Variants in ZPBP observed in about 807,000 individuals in gnomAD.
ZPBP encodes the protein zona pellucida-binding protein 1.
Under a neutral mutation model 44.8 loss-of-function variants are expected in ZPBP, and 26 were observed. The ratio of observed to expected loss-of-function variants is 0.58; its 90% confidence interval spans 0.43 to 0.81. The LOEUF (loss-of-function observed/expected upper bound fraction) is 0.81, where lower values mean the gene tolerates loss of function less well. Among genes scored for constraint, ZPBP ranks in the 30% least tolerant of loss-of-function variants. The pLI is 0.00. For missense variants in ZPBP, 409 were observed against 434.0 expected, an observed-to-expected ratio of 0.94 and a Z score of 0.51; for synonymous variants, 174 against 153.2, an observed-to-expected ratio of 1.14 and a Z score of -1.00.
intron 2 of ZPBP, among the ~76,000 whole-genome samples, chr7:49,858,256 G>A (rs138343379): frequency 0.014 from 2,104 of 152,122 alleles, 34 homozygotes; most frequent in African/African-American, 0.048. Flanking sequence ...ACATGCACAC[G>A]TATGTTTATT....
intron 7 of ZPBP, among the ~76,000 whole-genome samples, chr7:49,970,087 C>G (rs1450952358): frequency 6.6e-6 from 1 of 152,098 alleles, no homozygotes; most frequent in East Asian, 1.9e-4. Flanking sequence ...TCTCGAACTC[C>G]CGACCTCAAG....
chr7:49,958,227 T>C (rs2128762755), intron 7 of ZPBP, among the ~76,000 whole-genome samples: 1 of 152,318 alleles, frequency 6.6e-6, no homozygotes, highest in East Asian at 1.9e-4. Flanking sequence ...ACATCTGATT[T>C]AGATGAGAGA....
At position 49,872,978 on chromosome 7, in the gene ZPBP, C is replaced by A. The variant is rs550816278; in HGVS notation, n.510-22464G>T. 1.7e-3 allele frequency among the ~76,000 whole-genome samples: 228 copies of A among 135,030 alleles called. 3 individuals carry two copies. The highest frequency in any genetic ancestry group is 5.8e-3 in the African/African-American group (218 of 37,518). 88.6% of individuals were successfully genotyped at this position (135,030 alleles called of 152,430 possible). On this transcript the variant is annotated intron_variant and non_coding_transcript_variant, in intron 2 of 2. Transcript: ENST00000465922. The stretch of plus-strand genomic sequence containing the variant: ...GAATTTGGTATCCAAATAAATAATT[C>A]TCTAAATAATTAATAAAAAAATCTG...
chr7:49,927,072 C>A (rs1794264055), intron 1 of ZPBP, among the ~76,000 whole-genome samples: 2 of 152,190 alleles, frequency 1.3e-5, no homozygotes, highest in Admixed American at 1.3e-4. Context: ...GCCATACCTT[C>A]ATTCTGTGCT....
rs566584229 is a variant in ZPBP at position 49,869,626 on chromosome 7, G to T, written n.510-19112C>A. ...GAATTAAAAAATAGTCCTAAAAAAG[G>T]ATCTGTTTGTCACCAGAATAGTTAA... On this transcript the variant is annotated intron_variant and non_coding_transcript_variant, in intron 2 of 2. Transcript: ENST00000465922. Among the ~76,000 whole-genome samples the T allele has an allele frequency of 1.3e-3, 201 of 152,100 alleles. 1 individual carries two copies. The highest frequency in any genetic ancestry group is 2.4e-3 in the Non-Finnish European group (162 of 67,972).
chr7:50,083,667 G>GA (rs1228437848), intron 2 of ZPBP, among the ~76,000 whole-genome samples: 1 of 151,734 alleles, frequency 6.6e-6, no homozygotes, highest in East Asian at 1.9e-4. Flanking sequence ...TGGGTCTAGG[G>GA]AAAAAATCAA....
intron 4 of ZPBP, among the ~76,000 whole-genome samples, chr7:50,050,082 A>G (rs983364154): frequency 6.6e-6 from 1 of 152,066 alleles, no homozygotes; most frequent in Non-Finnish European, 1.5e-5. Flanking sequence ...AAACATGTAT[A>G]TGCAAATGAA....
At chr7:49,851,422 G>T (rs1790174351) in intron 2 of ZPBP, among the ~76,000 whole-genome samples, 1 of 152,180 alleles carries the variant, frequency 6.6e-6, no homozygotes, top group Non-Finnish European at 1.5e-5. Context: ...ATAGCAGACG[G>T]GCACTTAAGG....
intron 7 of ZPBP, among the ~76,000 whole-genome samples, chr7:49,946,445 A>G (rs2128755753): frequency 6.6e-6 from 1 of 152,214 alleles, no homozygotes; most frequent in South Asian, 2.1e-4. Flanking sequence ...ATGTTTGAAG[A>G]ATATTTTTGC....
At chr7:50,065,641 C>G (rs1282152143) in intron 3 of ZPBP, among the ~76,000 whole-genome samples, 1 of 150,820 alleles carries the variant, frequency 6.6e-6, no homozygotes, top group Non-Finnish European at 1.5e-5. Flanking sequence ...CCCATGGCCA[C>G]TGGTCTCCCA....
chr7:49,873,399 T>C (rs1321500090), intron 2 of ZPBP, among the ~76,000 whole-genome samples: 1 of 152,146 alleles, frequency 6.6e-6, no homozygotes. Context: ...ATGGCACTAA[T>C]CCCACCATGA....
At chr7:49,954,476 A>G (rs1284468322) in intron 7 of ZPBP, among the ~76,000 whole-genome samples, 2 of 152,204 alleles carry the variant, frequency 1.3e-5, no homozygotes, top group Admixed American at 1.3e-4. Context: ...TTTGTCCATC[A>G]AAGTATATTA....
chr7:50,021,042 A>G (rs1782920702), intron 5 of ZPBP, among the ~76,000 whole-genome samples: 1 of 152,106 alleles, frequency 6.6e-6, no homozygotes, highest in African/African-American at 2.4e-5. Context: ...TACACACTGA[A>G]GAGGCAGAAG....
At chr7:49,962,848 A>G (rs1409332780) in intron 7 of ZPBP, among the ~76,000 whole-genome samples, 1 of 151,808 alleles carries the variant, frequency 6.6e-6, no homozygotes, top group African/African-American at 2.4e-5. Flanking sequence ...ATCTAAGCAA[A>G]GATTTCTTGG....
chr7:50,077,743 A>C (rs1176213275), intron 3 of ZPBP, among the ~76,000 whole-genome samples: 1 of 151,874 alleles, frequency 6.6e-6, no homozygotes, highest in Non-Finnish European at 1.5e-5. Context: ...AGGAAATAAC[A>C]AGTGCTGGTG....
At chr7:49,897,357 A>G (rs1792441693) in intron 2 of ZPBP, among the ~76,000 whole-genome samples, 1 of 152,268 alleles carries the variant, frequency 6.6e-6, no homozygotes, top group South Asian at 2.1e-4. Flanking sequence ...AATACAGGTC[A>G]ATATTTTGCA....
intron 1 of ZPBP, among the ~76,000 whole-genome samples, chr7:49,928,551 T>C (rs574178844): frequency 6.6e-6 from 1 of 152,336 alleles, no homozygotes; most frequent in African/African-American, 2.4e-5. Flanking sequence ...GCCAACATAC[T>C]ATGTACAGCA....
chr7:49,933,702 C>G (rs1371355671), downstream of ZPBP, among the ~76,000 whole-genome samples: 2 of 152,078 alleles, frequency 1.3e-5, no homozygotes, highest in Admixed American at 6.6e-5. Context: ...CACATATACA[C>G]CATGGAATAC....
Position 50,045,611 on chromosome 7 carries a change from G to A in ZPBP, c.487+12378C>T, listed in dbSNP as rs996877309. 2.0e-5 allele frequency among the ~76,000 whole-genome samples: 3 copies of A among 152,118 alleles called. No homozygotes were observed. The East Asian group carries it at 5.8e-4, about 29-fold the overall frequency. ...CACGGGATGTGAAGGACCTCTTCAA[G>A]GAGAACTACAAACCACTGCTCAAGG... On this transcript the variant is annotated intron_variant, in intron 4 of 7. Transcript: ENST00000046087.
Sources: gnomAD v4.1 joint callset for allele counts (sites outside exome capture counted in the v4.1 genomes callset) on GRCh38, gnomAD v4.1.1 for gene constraint, MANE v1.5 for transcripts, NCBI Gene and HGNC (gene_info 2026-07-23, HGNC 2026-07-21) for gene names.